SEL1L2: variants seen among roughly 807,000 people sequenced by gnomAD.
The protein encoded by SEL1L2 is protein sel-1 homolog 2.
In SEL1L2, 89 loss-of-function variants were observed where a neutral mutation model predicts 98.8. The observed-to-expected ratio is 0.90, with a 90% CI of 0.76 to 1.07. The LOEUF is 1.07. Ranked by LOEUF, SEL1L2 falls within the 50% of genes least tolerant of loss-of-function variation. The probability of loss-of-function intolerance (pLI) is 0.00; values close to 1 mark genes in which losing one functional copy is unlikely to be tolerated. For missense variants in SEL1L2, 788 were observed against 812.0 expected, an observed-to-expected ratio of 0.97 and a Z score of 0.36; for synonymous variants, 262 against 278.5, an observed-to-expected ratio of 0.94 and a Z score of 0.59.
rs148570170 is a variant in SEL1L2 at position 13,989,075 on chromosome 20, T to C, written c.58+1402A>G. On this transcript the variant is annotated intron_variant, in intron 1 of 19. Coordinates refer to ENST00000284951, the MANE Select transcript of SEL1L2 (RefSeq NM_025229.2). ...TGAATATGTAGATCAATTTGGAGAGTATTGCCATCTTACCAATATTAAGTT... is the reference window on the plus strand; with the variant it reads ...TGAATATGTAGATCAATTTGGAGAGCATTGCCATCTTACCAATATTAAGTT... 5.6e-3 allele frequency among the ~76,000 whole-genome samples: 852 copies of C among 152,172 alleles called. 14 individuals carry two copies. The highest frequency in any genetic ancestry group is 0.02 in the African/African-American group (814 of 41,498).
chr20:13,914,364 A>T (rs975891427), intron 4 of SEL1L2, among the ~76,000 whole-genome samples: 1 of 152,236 alleles, frequency 6.6e-6, no homozygotes, highest in Non-Finnish European at 1.5e-5. Flanking sequence ...AAATATAAGA[A>T]TAATCAAAAT....
intron 14 of SEL1L2, among the ~76,000 whole-genome samples, chr20:13,868,651 G>A (rs1200864038): frequency 7.2e-6 from 1 of 138,776 alleles, no homozygotes; most frequent in Non-Finnish European, 1.5e-5. Flanking sequence ...TGTTGCCCAT[G>A]TTGGAATGCA....
intron 12 of SEL1L2, among the ~76,000 whole-genome samples, chr20:13,874,670 C>G (rs1266731920): frequency 6.6e-6 from 1 of 152,168 alleles, no homozygotes; most frequent in Non-Finnish European, 1.5e-5. Context: ...AGCAACAATT[C>G]CATATAAATT....
intron 5 of SEL1L2, among the ~76,000 whole-genome samples, chr20:13,904,617 A>G (rs953809881): frequency 6.6e-6 from 1 of 152,162 alleles, no homozygotes; most frequent in South Asian, 2.1e-4. Flanking sequence ...TCTTTTAGGA[A>G]AGTGGACCAT....
rs543903976 is a variant in SEL1L2, at chr20:13,887,985, G to C, written c.620C>G (p.Thr207Ser). The C allele has an allele frequency of 6.2e-7, 1 of 1,613,550 alleles. No homozygotes were observed. Reference sequence around the variant, plus strand: ...CATGTTTCCTCCAGCACTTCCAAAGGTGTAATATATCAGTGCCTAAAGTAA... The same window carrying C: ...CATGTTTCCTCCAGCACTTCCAAAGCTGTAATATATCAGTGCCTAAAGTAA... Reference protein sequence around the residue: ...YDQAKALIYYTFGSAGGNMMS... With the variant: ...YDQAKALIYYSFGSAGGNMMS... The change falls in exon 7 of 20, where the codon ACC (threonine) becomes AGC (serine). Residue 207 changes from threonine (T) to serine (S), a missense_variant. Physicochemically the swap from Thr to Ser is moderately conservative, Grantham distance 58. Transcript: ENST00000284951.
chr20:13,909,948 GC>G (rs1344008031), intron 5 of SEL1L2, among the ~76,000 whole-genome samples: 1 of 152,126 alleles, frequency 6.6e-6, no homozygotes, highest in Non-Finnish European at 1.5e-5. Flanking sequence ...TCCAGCCTGG[GC>G]AACAGAACGA....
At chr20:13,952,953 T>C (rs1301850363) in intron 2 of SEL1L2, among the ~76,000 whole-genome samples, 2 of 152,204 alleles carry the variant, frequency 1.3e-5, no homozygotes, top group East Asian at 3.9e-4. Flanking sequence ...CGCTTAAACC[T>C]GGGAGGCTTG....
intron 17 of SEL1L2, among the ~76,000 whole-genome samples, chr20:13,862,384 GGACATCCATC>G (rs1040820472): frequency 5.3e-5 from 8 of 152,256 alleles, no homozygotes; most frequent in African/African-American, 1.9e-4. Context: ...CACTCATCTA[GGACATCCATC>G]TCAGCTGTGG....
chr20:13,937,869 A>C (rs2049532950), intron 2 of SEL1L2, among the ~76,000 whole-genome samples: 1 of 152,174 alleles, frequency 6.6e-6, no homozygotes, highest in Admixed American at 6.5e-5. Flanking sequence ...GGAGAAACTA[A>C]AAAGGACAGA....
intron 1 of SEL1L2, among the ~76,000 whole-genome samples, chr20:13,965,662 T>C (rs1297868941): frequency 6.6e-6 from 1 of 152,100 alleles, no homozygotes; most frequent in Non-Finnish European, 1.5e-5. Flanking sequence ...CTTAAAAACC[T>C]ACAAGTCTTT....
At chr20:13,960,885 A>C (rs1009632515) in intron 1 of SEL1L2, among the ~76,000 whole-genome samples, 1 of 152,212 alleles carries the variant, frequency 6.6e-6, no homozygotes, top group Non-Finnish European at 1.5e-5. Flanking sequence ...TGCACATAAT[A>C]GATCAGTAGT....
rs1363952869 is a variant in SEL1L2, at chr20:13,876,059, GT to G, written c.1082del (p.Tyr361SerfsTer29). 1 of 1,613,850 alleles carries G rather than the reference GT, an allele frequency of 6.2e-7. No individual in the cohort carries two copies. The highest frequency in any genetic ancestry group is 1.3e-5 in the African/African-American group (1 of 75,050). On this transcript the variant is annotated frameshift_variant, in exon 12 of 20. Coordinates refer to ENST00000284951, the MANE Select transcript of SEL1L2 (RefSeq NM_025229.2). LOFTEE classifies it high-confidence loss of function. ...ATACCTTACTGGCTGCCATGGAAAAGTACTTGAAGGCAGTAGCGTTATTTTG... is the reference window on the plus strand; with the variant it reads ...ATACCTTACTGGCTGCCATGGAAAAGACTTGAAGGCAGTAGCGTTATTTTG... The part of the protein sequence containing the change: ...VPQNNATAFK[Y>X]FSMAASKGNA...
At chr20:13,877,051 C>T (rs1004874239) in intron 11 of SEL1L2, among the ~76,000 whole-genome samples, 4 of 152,076 alleles carry the variant, frequency 2.6e-5, no homozygotes, top group African/African-American at 9.7e-5. Flanking sequence ...TCTTGAACTC[C>T]TGACCTCAAA....
rs545337887 is a variant in SEL1L2, at chr20:13,902,987, C to T, written c.549+10795G>A. Among the ~76,000 whole-genome samples, 188 of 151,736 alleles carry T rather than the reference C, an allele frequency of 1.2e-3. 2 individuals are homozygous for T. The highest frequency in any genetic ancestry group is 1.9e-3 in the Non-Finnish European group (130 of 67,870). ...AAAAATTAGCTGGACCCACTGGTAG[C>T]GGGGGCTGTAGTCCCAGCTGCTTGG... On this transcript the variant is annotated intron_variant, in intron 5 of 19. Coordinates refer to ENST00000284951, the MANE Select transcript of SEL1L2 (RefSeq NM_025229.2).
At chr20:13,854,402 T>C (rs191827214) in intron 18 of SEL1L2, among the ~76,000 whole-genome samples, 45 of 152,342 alleles carry the variant, frequency 3.0e-4, no homozygotes, top group Middle Eastern at 3.4e-3. Flanking sequence ...TACTCCATGG[T>C]ACAAAAATAT....
intron 1 of SEL1L2, among the ~76,000 whole-genome samples, chr20:13,974,868 G>A (rs186031602): frequency 1.5e-4 from 23 of 152,048 alleles, no homozygotes; most frequent in East Asian, 3.9e-4. Flanking sequence ...CAATTCCACC[G>A]ATTATTTTGT....
At chr20:13,850,955 C>T (rs1268935066) in intron 18 of SEL1L2, among the ~76,000 whole-genome samples, 5 of 152,056 alleles carry the variant, frequency 3.3e-5, no homozygotes, top group Admixed American at 3.3e-4. Flanking sequence ...GAGAATAGGG[C>T]CAGGCACAGG....
In SEL1L2 at chr20:13,923,284, A is replaced by G. The variant is rs2048739750; in HGVS notation, c.284-4161T>C. Among the ~76,000 whole-genome samples the G allele has an allele frequency of 2.0e-5, 3 of 152,376 alleles. No homozygotes were observed. In the South Asian group the frequency reaches 6.2e-4, roughly 32 times the overall value. The stretch of plus-strand genomic sequence containing the variant: ...ATTCTAAGTTATTCAAACAACGTTT[A>G]GAAGTGTTTATGACACTTTCCAGAC... On this transcript the variant is annotated intron_variant, in intron 3 of 19. Transcript: ENST00000284951.
intron 5 of SEL1L2, among the ~76,000 whole-genome samples, chr20:13,897,184 G>C (rs1053670587): frequency 2.6e-5 from 4 of 152,184 alleles, no homozygotes; most frequent in Non-Finnish European, 4.4e-5. Flanking sequence ...AACAAATGGG[G>C]CTGGGAAAAC....
Sources: gnomAD v4.1 joint callset for allele counts (sites outside exome capture counted in the v4.1 genomes callset) on GRCh38, gnomAD v4.1.1 for gene constraint, MANE v1.5 for transcripts, NCBI Gene and HGNC (gene_info 2026-07-23, HGNC 2026-07-21) for gene names.